Variants in NEBL observed in about 807,000 individuals in gnomAD.
NEBL encodes nebulette.
In NEBL, 122 loss-of-function variants were observed where a neutral mutation model predicts 140.2. That is an observed-to-expected ratio of 0.87 (90% CI 0.75 to 1.01). The LOEUF is 1.01. Ranked by LOEUF, NEBL falls within the 50% of genes least tolerant of loss-of-function variation. The probability of loss-of-function intolerance (pLI) is 0.00; values close to 1 mark genes in which losing one functional copy is unlikely to be tolerated. For synonymous variants in NEBL, 436 were observed against 398.9 expected (o/e 1.09, Z -1.11); for missense variants, 1,365 against 1,231.3 (o/e 1.11, Z -1.62).
intron 2 of NEBL, among the ~76,000 whole-genome samples, chr10:21,073,379 G>T (rs970420193): frequency 5.3e-5 from 8 of 151,480 alleles, no homozygotes; most frequent in African/African-American, 1.9e-4. Context: ...CACTTTGGGA[G>T]GCCAAGGCAG....
At chr10:21,083,617 G>A (rs1836487065) in intron 2 of NEBL, among the ~76,000 whole-genome samples, 1 of 152,166 alleles carries the variant, frequency 6.6e-6, no homozygotes, top group Admixed American at 6.5e-5. Context: ...GGCCAAGGCA[G>A]GAGGATCACT....
At position 20,814,052 on chromosome 10, in the gene NEBL, T is replaced by TA; in HGVS notation, c.2242-10dup. 1.3e-6 allele frequency: 2 copies of TA among 1,502,540 alleles called. No homozygotes were observed. Among genetic ancestry groups the TA allele is most frequent in the Non-Finnish European group, 1.9e-6 (2 of 1,078,590 alleles). 93.1% of individuals were successfully genotyped at this position (1,502,540 alleles called of 1,614,324 possible). On this transcript the variant is annotated splice_polypyrimidine_tract_variant and intron_variant, in intron 22 of 27. Coordinates refer to ENST00000377122, the MANE Select transcript of NEBL (RefSeq NM_006393.3). Reference sequence around the variant, plus strand: ...TCCTGGGTATATTTTACCTGCAAAGTAAATAGTAGGCATAAGACAATGATA... The same window carrying TA: ...TCCTGGGTATATTTTACCTGCAAAGTAAAATAGTAGGCATAAGACAATGATA...
intron 3 of NEBL, chr10:20,961,784 C>T: frequency 1.2e-6 from 2 of 1,608,438 alleles, no homozygotes; most frequent in Non-Finnish European, 1.7e-6. Context: ...CTTGACCTAA[C>T]AAGAAGGGGG....
intron 3 of NEBL, among the ~76,000 whole-genome samples, chr10:21,234,068 A>C (rs1289731661): frequency 6.6e-6 from 1 of 150,946 alleles, no homozygotes; most frequent in Non-Finnish European, 1.5e-5. Context: ...AAAGCTAAAC[A>C]CTCCAGGAAA....
intron 3 of NEBL, among the ~76,000 whole-genome samples, chr10:21,222,980 C>T (rs1419073496): frequency 6.6e-6 from 1 of 152,206 alleles, no homozygotes; most frequent in African/African-American, 2.4e-5. Flanking sequence ...CCAGGCTGGC[C>T]TTGAACTCCT....
intron 26 of NEBL, among the ~76,000 whole-genome samples, chr10:20,798,227 C>A (rs575602500): frequency 6.6e-6 from 1 of 152,118 alleles, no homozygotes; most frequent in East Asian, 1.9e-4. Flanking sequence ...GAGCCAGGGC[C>A]ACAGATAACG....
At chr10:20,977,242 G>C (rs1429458282) in intron 3 of NEBL, among the ~76,000 whole-genome samples, 1 of 151,762 alleles carries the variant, frequency 6.6e-6, no homozygotes, top group Non-Finnish European at 1.5e-5. Flanking sequence ...AAATTAAAGA[G>C]GTTAAAGTAC....
At position 20,783,629 on chromosome 10, in the gene NEBL, T is replaced by C. The variant is rs1835171143; in HGVS notation, c.*2118A>G. On this transcript the variant is annotated 3_prime_UTR_variant, in exon 28 of 28. Coordinates refer to ENST00000377122, the MANE Select transcript of NEBL (RefSeq NM_006393.3). Reference sequence around the variant, plus strand: ...ACCTGTCCTATATTTAGTCTGAAAATTTAATCAACAACTACTCTTTCTTAT... The same window carrying C: ...ACCTGTCCTATATTTAGTCTGAAAACTTAATCAACAACTACTCTTTCTTAT... 6.8e-6 allele frequency: 1 copy of C among 147,186 alleles called. No homozygotes were observed. Among genetic ancestry groups the C allele is most frequent in the African/African-American group, 2.8e-5 (1 of 36,296 alleles). 9.1% of individuals were successfully genotyped at this position (147,186 alleles called of 1,614,324 possible).
Position 20,831,578 on chromosome 10 carries a change from GTCTTTCTGCAGA to G in NEBL, c.1450-7_1454del. On this transcript the variant is annotated splice_acceptor_variant and splice_polypyrimidine_tract_variant and coding_sequence_variant and intron_variant, in exon 15 of 28. Transcript: ENST00000377122. LOFTEE classifies it high-confidence loss of function. Reference sequence around the variant, plus strand: ...TTTCAGTCTCCAGATCTCTTTTATAGTCTTTCTGCAGAAAATGAAACATACAGTTAGTGCTCT... The same window carrying G: ...TTTCAGTCTCCAGATCTCTTTTATAGAAATGAAACATACAGTTAGTGCTCT... The G allele has an allele frequency of 6.3e-7, 1 of 1,593,354 alleles. No individual in the cohort carries two copies. The highest frequency in any genetic ancestry group is 2.2e-5 in the East Asian group (1 of 44,710).
intron 2 of NEBL, among the ~76,000 whole-genome samples, chr10:21,044,663 A>T (rs1834432249): frequency 6.6e-6 from 1 of 152,120 alleles, no homozygotes; most frequent in African/African-American, 2.4e-5. Context: ...CTATTTCTTA[A>T]ATGTGTTCTT....
chr10:20,919,180 G>C (rs1231364397), intron 4 of NEBL, among the ~76,000 whole-genome samples: 1 of 152,112 alleles, frequency 6.6e-6, no homozygotes, highest in Non-Finnish European at 1.5e-5. Flanking sequence ...CTATAGTTAA[G>C]TCTTTGCTGG....
chr10:20,798,176 AAGT>A (rs1435736807), intron 26 of NEBL, among the ~76,000 whole-genome samples: 3 of 152,166 alleles, frequency 2.0e-5, no homozygotes, highest in Non-Finnish European at 2.9e-5. Flanking sequence ...AGGCAGTAAT[AAGT>A]AGCAAATCTC....
intron 4 of NEBL, among the ~76,000 whole-genome samples, chr10:20,905,103 G>C (rs1005607565): frequency 2.0e-5 from 3 of 152,132 alleles, no homozygotes; most frequent in African/African-American, 4.8e-5. Flanking sequence ...CAAAGGAAAG[G>C]GTTTTGGGGG....
At chr10:21,221,833 G>A (rs1343465427) in intron 3 of NEBL, among the ~76,000 whole-genome samples, 1 of 151,958 alleles carries the variant, frequency 6.6e-6, no homozygotes, top group East Asian at 1.9e-4. Flanking sequence ...AGTTACATCA[G>A]GGAAATTAAG....
intron 14 of NEBL, among the ~76,000 whole-genome samples, chr10:20,831,942 T>C (rs942181299): frequency 1.3e-5 from 2 of 152,228 alleles, no homozygotes; most frequent in African/African-American, 2.4e-5. Flanking sequence ...TTTTTCACTC[T>C]GTAGTGAATA....
Position 20,902,406 on chromosome 10 carries a change from CAAA to C in NEBL, c.357+59263_357+59265del, listed in dbSNP as rs10532070. 1.2e-4 allele frequency among the ~76,000 whole-genome samples: 18 copies of C among 149,898 alleles called. No homozygotes were observed. In the South Asian group the frequency reaches 2.6e-3, roughly 21 times the overall value. ...GGGCAACAGAGCAAAGACACTGTCT[CAAA>C]AAAAAAAAAATTTAATAAGGTATAT... is the stretch of plus-strand genomic sequence containing the variant. On this transcript the variant is annotated intron_variant, in intron 4 of 6. Transcript: ENST00000417816.
intron 1 of NEBL, among the ~76,000 whole-genome samples, chr10:21,252,756 G>C (rs1385036291): frequency 2.0e-5 from 3 of 152,160 alleles, no homozygotes; most frequent in Non-Finnish European, 4.4e-5. Context: ...AGGAGTTCAA[G>C]ACCAGCCTGA....
chr10:20,924,797 T>C (rs1321230265), intron 4 of NEBL, among the ~76,000 whole-genome samples: 4 of 152,074 alleles, frequency 2.6e-5, no homozygotes, highest in African/African-American at 9.7e-5. Flanking sequence ...CAAACGGTCG[T>C]TCAGTTCCAG....
At chr10:20,829,654 C>T (rs3828160) in intron 16 of NEBL, among the ~76,000 whole-genome samples, 6,168 of 152,040 alleles carry the variant, frequency 0.041, 236 homozygotes, top group East Asian at 0.18. Flanking sequence ...CTTCATTACA[C>T]CCTCGTAAGT....
Sources: gnomAD v4.1 joint callset for allele counts (sites outside exome capture counted in the v4.1 genomes callset) on GRCh38, gnomAD v4.1.1 for gene constraint, MANE v1.5 for transcripts, NCBI Gene and HGNC (gene_info 2026-07-23, HGNC 2026-07-21) for gene names.